The following CNTN5 variants were observed in gnomAD, a reference collection of about 807,000 sequenced individuals.
The protein encoded by CNTN5 is contactin-5.
Under a neutral mutation model 129.1 loss-of-function variants are expected in CNTN5, and 77 were observed. The ratio of observed to expected loss-of-function variants is 0.60; its 90% CI spans 0.50 to 0.72. The LOEUF (loss-of-function observed/expected upper bound fraction) is 0.72, where lower values mean the gene tolerates loss of function less well. Among genes scored for constraint, CNTN5 ranks in the 30% least tolerant of loss-of-function variants. The probability of loss-of-function intolerance (pLI) is 0.00; values close to 1 mark genes in which losing one functional copy is unlikely to be tolerated. For synonymous variants in CNTN5, 509 were observed against 465.6 expected, an observed-to-expected ratio of 1.09 and a Z score of -1.20; for missense variants, 1,478 against 1,328.8, an observed-to-expected ratio of 1.11 and a Z score of -1.75.
intron 13 of CNTN5, among the ~76,000 whole-genome samples, chr11:100,083,068 C>A (rs1036862882): frequency 6.6e-6 from 1 of 152,000 alleles, no homozygotes; most frequent in South Asian, 2.1e-4. Flanking sequence ...GTAATCCCAG[C>A]ATTTTGGGAG....
intron 10 of CNTN5, among the ~76,000 whole-genome samples, chr11:100,064,315 C>T (rs1565206777): frequency 6.6e-6 from 1 of 152,128 alleles, no homozygotes; most frequent in Non-Finnish European, 1.5e-5. Flanking sequence ...AGTCCCTTTT[C>T]TTGGTCAAAG....
At chr11:99,199,441 A>G (rs1276721729) in intron 1 of CNTN5, among the ~76,000 whole-genome samples, 1 of 152,226 alleles carries the variant, frequency 6.6e-6, no homozygotes, top group Non-Finnish European at 1.5e-5. Context: ...CAATAACACA[A>G]TATGACATTC....
chr11:99,044,357 A>G (rs1420383962), intron 1 of CNTN5, among the ~76,000 whole-genome samples: 1 of 152,198 alleles, frequency 6.6e-6, no homozygotes, highest in Non-Finnish European at 1.5e-5. Context: ...TTTTGGTACG[A>G]AAATGTGAAA....
At chr11:99,672,312 A>G (rs1451611097) in intron 3 of CNTN5, among the ~76,000 whole-genome samples, 1 of 152,120 alleles carries the variant, frequency 6.6e-6, no homozygotes, top group Non-Finnish European at 1.5e-5. Context: ...TGTTGCCACC[A>G]CGTCCTATAG....
At chr11:99,547,744 T>C (rs962911470) in intron 2 of CNTN5, among the ~76,000 whole-genome samples, 7 of 152,242 alleles carry the variant, frequency 4.6e-5, no homozygotes, top group Non-Finnish European at 8.8e-5. Flanking sequence ...ACTTTATATT[T>C]GTCTTACTTT....
chr11:100,356,266 G>T lies in CNTN5; in HGVS notation c.*46G>T. The stretch of plus-strand genomic sequence containing the variant: ...TTTTGTTTGCTTTAGCTTGGTAACA[G>T]CGGTGAATAGAGTGTAGTGTAAGTG... On this transcript the variant is annotated 3_prime_UTR_variant, in exon 25 of 25. Coordinates refer to ENST00000524871, the MANE Select transcript of CNTN5 (RefSeq NM_014361.4). 1.6e-6 allele frequency: 2 copies of T among 1,270,434 alleles called. No homozygotes were observed. Among genetic ancestry groups the T allele is most frequent in the Non-Finnish European group, 1.1e-6 (1 of 886,802 alleles). The allele number at this position is 1,270,434 out of a possible 1,614,324, so 78.7% of individuals were successfully genotyped here.
intron 20 of CNTN5, 89 bp downstream of exon 20, chr11:100,299,485 C>A (rs1951172853): frequency 1.4e-6 from 1 of 728,380 alleles, no homozygotes; most frequent in Admixed American, 3.7e-5. Context: ...TTAGAAAATA[C>A]AAATAAGGCA....
intron 1 of CNTN5, among the ~76,000 whole-genome samples, chr11:99,165,694 A>AT (rs1860834071): frequency 6.6e-6 from 1 of 152,042 alleles, no homozygotes; most frequent in Non-Finnish European, 1.5e-5. Flanking sequence ...GGGTTTTTGC[A>AT]TTTTCCCACT....
At chr11:99,484,041 A>G (rs1412783596) in intron 2 of CNTN5, among the ~76,000 whole-genome samples, 1 of 152,190 alleles carries the variant, frequency 6.6e-6, no homozygotes. Context: ...CAACAAAAGC[A>G]AAAATAAACA....
In CNTN5 at chr11:100,115,378, C is replaced by T. The variant is rs147074968; in HGVS notation, c.1580+41084C>T. On this transcript the variant is annotated intron_variant, in intron 13 of 24. Transcript: ENST00000524871. ...ATATCAGAAAACATTTATTGAGTGA[C>T]TATTATGCAAGGGCATCTACAAACA... Among the ~76,000 whole-genome samples the T allele has an allele frequency of 3.0e-3, 453 of 152,108 alleles. 1 individual carries two copies. Among genetic ancestry groups the T allele is most frequent in the African/African-American group, 1.0e-2 (414 of 41,512 alleles).
intron 3 of CNTN5, among the ~76,000 whole-genome samples, chr11:99,687,983 ATTAG>A (rs1565427815): frequency 6.6e-6 from 1 of 152,174 alleles, no homozygotes; most frequent in African/African-American, 2.4e-5. Context: ...TAATCCTCTG[ATTAG>A]TTATTTTCCA....
intron 24 of CNTN5, among the ~76,000 whole-genome samples, chr11:100,355,214 T>G (rs1952495233): frequency 6.6e-6 from 1 of 151,810 alleles, no homozygotes; most frequent in African/African-American, 2.4e-5. Flanking sequence ...TTTTGTTTGC[T>G]TTTTAAACTG....
chr11:99,964,119 C>G (rs773262996), intron 8 of CNTN5, among the ~76,000 whole-genome samples: 11 of 152,080 alleles, frequency 7.2e-5, no homozygotes, highest in Non-Finnish European at 1.0e-4. Flanking sequence ...GACAATTTGA[C>G]AATTCCTCTT....
chr11:100,142,497 T>G (rs1020746051), intron 13 of CNTN5, among the ~76,000 whole-genome samples: 1 of 152,162 alleles, frequency 6.6e-6, no homozygotes, highest in Non-Finnish European at 1.5e-5. Context: ...TATATGAAAC[T>G]ACAAATAGAA....
At chr11:99,797,782 T>C (rs1201939765) in intron 3 of CNTN5, among the ~76,000 whole-genome samples, 1 of 152,112 alleles carries the variant, frequency 6.6e-6, no homozygotes, top group Non-Finnish European at 1.5e-5. Context: ...TTTAATTAGG[T>C]CCCACTTGTC....
chr11:99,762,729 C>T (rs892335240), intron 3 of CNTN5, among the ~76,000 whole-genome samples: 1 of 152,124 alleles, frequency 6.6e-6, no homozygotes. Flanking sequence ...CAAATGTGTT[C>T]TCATTTGTTT....
chr11:99,842,504 G>C (rs1025352415), intron 4 of CNTN5, among the ~76,000 whole-genome samples: 6 of 152,072 alleles, frequency 3.9e-5, no homozygotes, highest in Non-Finnish European at 5.9e-5. Flanking sequence ...AAAGATGTTT[G>C]GTTCATGGCT....
intron 6 of CNTN5, among the ~76,000 whole-genome samples, chr11:99,875,693 T>C (rs982363546): frequency 1.4e-4 from 22 of 152,082 alleles, no homozygotes; most frequent in African/African-American, 5.1e-4. Context: ...TTGTGGTAAC[T>C]CTTTCCAAAT....
intron 8 of CNTN5, among the ~76,000 whole-genome samples, chr11:99,983,746 T>A (rs1177117519): frequency 3.3e-5 from 5 of 152,054 alleles, no homozygotes; most frequent in Admixed American, 3.3e-4. Flanking sequence ...GATGAGTGGG[T>A]AGGGTTAAGA....
Sources: allele counts gnomAD v4.1 joint callset (sites outside exome capture counted in the v4.1 genomes callset), GRCh38; gene constraint gnomAD v4.1.1; transcripts MANE v1.5; gene names NCBI Gene and HGNC (gene_info 2026-07-23, HGNC 2026-07-21).